The following VDR variants were observed in gnomAD, a reference collection of about 807,000 sequenced individuals.
VDR encodes the protein vitamin D3 receptor.
In VDR, 19 loss-of-function variants were observed where a neutral mutation model predicts 39.7. The observed-to-expected ratio is 0.48, with a 90% CI of 0.33 to 0.70. VDR has a LOEUF of 0.70. Among genes scored for constraint, VDR ranks in the 30% least tolerant of loss-of-function variants. The pLI is 0.02. For synonymous variants in VDR, 242 were observed against 215.8 expected, an observed-to-expected ratio of 1.12 and a Z score of -1.07; for missense variants, 442 against 570.5, an observed-to-expected ratio of 0.77 and a Z score of 2.29.
Position 47,879,062 on chromosome 12 carries a change from G to A in VDR, c.52C>T (p.Arg18Trp), listed in dbSNP as rs147496897. The A allele has an allele frequency of 2.4e-4, 384 of 1,614,150 alleles. No individual in the cohort carries two copies. Among genetic ancestry groups the A allele is most frequent in the African/African-American group, 4.1e-4 (31 of 75,040 alleles). The change falls in exon 3 of 10, where the codon CGG becomes TGG. Residue 18 changes from arginine to tryptophan, a missense_variant. Arg to Trp is a moderately radical substitution (Grantham distance 101). Coordinates refer to ENST00000549336, the MANE Select transcript of VDR (RefSeq NM_000376.3). ...TSLPDPGDFD[R>W]NVPRICGVCG... ...ACCCCACAGATCCGGGGCACGTTCCGGTCAAAGTCTCCAGGGTCAGGCAGG... is the reference window on the plus strand; with the variant it reads ...ACCCCACAGATCCGGGGCACGTTCCAGTCAAAGTCTCCAGGGTCAGGCAGG...
At chr12:47,846,514 C>A (rs1170248852) in intron 8 of VDR, 63 bp from the exon 9 acceptor site, 1 of 1,547,786 alleles carries the variant, frequency 6.5e-7, no homozygotes, top group Non-Finnish European at 8.8e-7. Context: ...CACCTCCAAC[C>A]CCATGGGTCT....
chr12:47,900,012 A>G (rs1269792014), intron 1 of VDR: 2 of 940,492 alleles, frequency 2.1e-6, no homozygotes, highest in African/African-American at 3.5e-5. Flanking sequence ...ATAGCTCCCC[A>G]TTGGCCAATG....
intron 7 of VDR, among the ~76,000 whole-genome samples, chr12:47,852,954 T>G (rs77066449): frequency 0.022 from 3,401 of 152,326 alleles, 85 homozygotes; most frequent in South Asian, 0.094. Context: ...TTGCCCCTTC[T>G]GCCGTAAATA....
chr12:47,858,981 G>A (rs146982432), intron 4 of VDR, among the ~76,000 whole-genome samples: 2 of 152,202 alleles, frequency 1.3e-5, no homozygotes, highest in East Asian at 1.9e-4. Context: ...CCTCCACAGG[G>A]AGCCTGGGAG....
At position 47,865,164 on chromosome 12, in the gene VDR, G is replaced by C. The variant is rs1442369494; in HGVS notation, c.160C>G (p.Arg54Gly). ...CKGFFRRSMK[R>G]KALFTCPFNG... Reference sequence around the variant, plus strand: ...AAGGGGCAGGTGAATAGTGCCTTCCGCTTCATGCTTCGCCTGCCGAGAGAG... The same window carrying C: ...AAGGGGCAGGTGAATAGTGCCTTCCCCTTCATGCTTCGCCTGCCGAGAGAG... The change falls in exon 4 of 10, where the codon CGG becomes GGG. Residue 54 changes from arginine (R) to glycine (G), a missense_variant. Physicochemically the swap from Arg to Gly is moderately radical, Grantham distance 125. Around this residue, in one of 5 missense-constraint regions of VDR, gnomAD observed 141 missense variants for 141.3 expected, o/e 1.00. Transcript: ENST00000549336. The C allele has an allele frequency of 1.2e-6, 2 of 1,612,284 alleles. No individual in the cohort carries two copies. The highest frequency in any genetic ancestry group is 3.3e-5 in the Admixed American group (2 of 60,020).
At chr12:47,897,718 C>A (rs1054298492) in intron 1 of VDR, among the ~76,000 whole-genome samples, 1 of 152,132 alleles carries the variant, frequency 6.6e-6, no homozygotes, top group African/African-American at 2.4e-5. Flanking sequence ...ATGGCATCGC[C>A]TCTGTTCCCT....
chr12:47,879,257 C>T (rs1946087729), intron 2 of VDR, 142 bp from the exon 3 acceptor site: 1 of 999,830 alleles, frequency 1.0e-6, no homozygotes, highest in Non-Finnish European at 1.4e-6. Context: ...TGGGCATCTC[C>T]CCAGGGCCCA....
At chr12:47,892,082 T>C (rs1946381653) in intron 1 of VDR, among the ~76,000 whole-genome samples, 1 of 152,240 alleles carries the variant, frequency 6.6e-6, no homozygotes, top group South Asian at 2.1e-4. Flanking sequence ...CCTGGACTTC[T>C]GGCTGCCCCA....
At chr12:47,857,915 G>A (rs144470289) in intron 4 of VDR, among the ~76,000 whole-genome samples, 9 of 152,302 alleles carry the variant, frequency 5.9e-5, no homozygotes, top group Non-Finnish European at 1.2e-4. Flanking sequence ...GGATTTGAGA[G>A]GGGGGATGAT....
intron 1 of VDR, among the ~76,000 whole-genome samples, chr12:47,887,831 C>G (rs1217582427): frequency 6.6e-6 from 1 of 152,198 alleles, no homozygotes; most frequent in Non-Finnish European, 1.5e-5. Context: ...ACTGACTGAA[C>G]GATGGGAAAT....
At chr12:47,904,846 A>C in intron 1 of VDR, 109 bp downstream of exon 1, 1 of 441,488 alleles carries the variant, frequency 2.3e-6, no homozygotes, top group African/African-American at 2.0e-5. Context: ...TACCGCTGAG[A>C]CTTAGACTCT....
chr12:47,899,887 G>A lies in VDR; in HGVS notation c.-84+5068C>T, dbSNP rs183599692. 171 of 985,018 alleles carry A rather than the reference G, an allele frequency of 1.7e-4. 1 individual carries two copies. Among genetic ancestry groups the A allele is most frequent in the African/African-American group, 6.3e-4 (36 of 57,350 alleles). The allele number at this position is 985,018 out of a possible 1,614,324, so 61.0% of individuals were successfully genotyped here. ...GGGAGGCAAGCAAAGCAATGTGCAC[G>A]GGGCCTGGCATGAGGCTATCAGAGG... On this transcript the variant is annotated intron_variant, in intron 1 of 9. Transcript: ENST00000549336.
chr12:47,844,682 C>A lies in VDR; in HGVS notation c.*64G>T. 1.9e-6 allele frequency: 3 copies of A among 1,609,208 alleles called. No individual in the cohort carries two copies. The highest frequency in any genetic ancestry group is 2.5e-6 in the Non-Finnish European group (3 of 1,178,574). ...GGAGGGCTGCTGAGTAGCCGCCAGC[C>A]CCGGGCCTGGCACGTGGCCCTGGAG... On this transcript the variant is annotated 3_prime_UTR_variant, in exon 10 of 10. Transcript: ENST00000549336.
intron 3 of VDR, 118 bp downstream of exon 3, chr12:47,878,850 C>T (rs907555923): frequency 7.2e-6 from 11 of 1,537,178 alleles, no homozygotes; most frequent in East Asian, 2.3e-5. Flanking sequence ...GTGAGCGCCG[C>T]ATGTTCCATG....
At chr12:47,871,330 C>CTTTCTTTCTTTCTT (rs1565622744) in intron 3 of VDR, among the ~76,000 whole-genome samples, 1 of 144,690 alleles carries the variant, frequency 6.9e-6, no homozygotes, top group East Asian at 2.1e-4. Flanking sequence ...TTCTTTCTTT[C>CTTTCTTTCTTTCTT]TTTCTTTCTT....
At chr12:47,878,864 A>T in intron 3 of VDR, 104 bp downstream of exon 3, 1 of 1,580,112 alleles carries the variant, frequency 6.3e-7, no homozygotes, top group South Asian at 1.1e-5. Context: ...TTCCATGGAC[A>T]TTGTAAGGAA....
In VDR at chr12:47,847,403, T is replaced by A. The variant is rs59513031; in HGVS notation, c.756-595A>T. ...TTACCACTGCTGCAGGTCAATGTCC[T>A]CTTGCACTCAGAAATCTTCACTGAC... On this transcript the variant is annotated intron_variant, in intron 7 of 9. Coordinates refer to ENST00000549336, the MANE Select transcript of VDR (RefSeq NM_000376.3). Among the ~76,000 whole-genome samples the A allele has an allele frequency of 6.9e-3, 1,054 of 152,244 alleles. 13 individuals are homozygous for A. Among genetic ancestry groups the A allele is most frequent in the African/African-American group, 0.023 (972 of 41,544 alleles).
intron 6 of VDR, 133 bp downstream of exon 6, chr12:47,856,996 C>T (rs1349070814): frequency 7.1e-7 from 1 of 1,401,730 alleles, no homozygotes; most frequent in African/African-American, 1.4e-5. Context: ...GAAGACGCTG[C>T]ATAGCGCACA....
At chr12:47,894,930 G>C (rs1052893667) in intron 1 of VDR, among the ~76,000 whole-genome samples, 1 of 152,220 alleles carries the variant, frequency 6.6e-6, no homozygotes. Context: ...GACAGGGAAG[G>C]CCCGCGGGAG....
Sources: gnomAD v4.1 joint callset for allele counts (sites outside exome capture counted in the v4.1 genomes callset) on GRCh38, gnomAD v4.1.1 for gene constraint, gnomAD v4.1.1 regional missense constraint, MANE v1.5 for transcripts, NCBI Gene and HGNC (gene_info 2026-07-23, HGNC 2026-07-21) for gene names.